Variants in ERMP1 observed in about 807,000 individuals in gnomAD.
The protein encoded by ERMP1 is endoplasmic reticulum metallopeptidase 1.
A neutral mutation model predicts 92.0 loss-of-function variants in ERMP1; 86 were observed. The ratio of observed to expected loss-of-function variants is 0.93; its 90% confidence interval spans 0.79 to 1.12. ERMP1 has a LOEUF of 1.12. Among genes scored for constraint, ERMP1 ranks in the 50% most tolerant of loss-of-function variants. The probability of loss-of-function intolerance (pLI) is 0.00; values close to 1 mark genes in which losing one functional copy is unlikely to be tolerated. For missense variants in ERMP1, 1,342 were observed against 1,116.3 expected (o/e 1.20, Z -2.88); for synonymous variants, 530 against 412.8 (o/e 1.28, Z -3.44).
chr9:5,847,678 G>A (rs977095242), intron 6 of ERMP1, among the ~76,000 whole-genome samples: 3 of 152,074 alleles, frequency 2.0e-5, no homozygotes, highest in Admixed American at 6.5e-5. Context: ...GGCGGATCAT[G>A]AGGTCAAGAG....
intron 10 of ERMP1, among the ~76,000 whole-genome samples, chr9:5,803,299 T>C (rs1436961120): frequency 1.3e-5 from 2 of 152,208 alleles, no homozygotes; most frequent in Non-Finnish European, 2.9e-5. Context: ...CTATTTCACA[T>C]TATAATGAAA....
chr9:5,791,147 C>G, intron 13 of ERMP1: 1 of 448,256 alleles, frequency 2.2e-6, no homozygotes, highest in Middle Eastern at 3.3e-4. Context: ...TTAGCATTCT[C>G]CAGGGAAACC....
In ERMP1 at chr9:5,801,258, G is replaced by A; in HGVS notation, c.1985C>T (p.Thr662Ile). ...TGTTCCACTGCAAACAAGGAGGAAT[G>A]TAATTGCACATACCAAAGTTAAAGT... Reference protein sequence around the residue: ...MLTLTLVCAITFLLVCSGTFF... With the variant: ...MLTLTLVCAIIFLLVCSGTFF... The change falls in exon 11 of 15, where the codon ACA (threonine) becomes ATA (isoleucine). Residue 662 changes from threonine (T) to isoleucine (I), a missense_variant. Transcript: ENST00000339450. 2 of 1,613,794 alleles carry A rather than the reference G, an allele frequency of 1.2e-6. No individual in the cohort carries two copies. Among genetic ancestry groups the A allele is most frequent in the Non-Finnish European group, 1.7e-6 (2 of 1,179,816 alleles).
At chr9:5,825,244 C>A in intron 2 of ERMP1, 25 bp from the exon 3 acceptor site, 2 of 1,601,272 alleles carry the variant, frequency 1.2e-6, no homozygotes, top group Non-Finnish European at 1.7e-6. Context: ...AACAAATTTG[C>A]TGCTCAGATT....
In ERMP1 at chr9:5,785,919, C is replaced by T. The variant is rs371836483; in HGVS notation, c.*1225G>A. The T allele has an allele frequency of 6.6e-6, 1 of 152,216 alleles. No homozygotes were observed. The allele number at this position is 152,216 out of a possible 1,614,324, so 9.4% of individuals were successfully genotyped here. Reference sequence around the variant, plus strand: ...CTCACCAATGCCCTCACTGCTGGAACCAAAAAGCCATGAGAGGTACTGCTG... The same window carrying T: ...CTCACCAATGCCCTCACTGCTGGAATCAAAAAGCCATGAGAGGTACTGCTG... On this transcript the variant is annotated 3_prime_UTR_variant, in exon 15 of 15. Coordinates refer to ENST00000339450, the MANE Select transcript of ERMP1 (RefSeq NM_024896.3).
intron 6 of ERMP1, among the ~76,000 whole-genome samples, chr9:5,843,725 G>A (rs1050494585): frequency 1.4e-4 from 22 of 151,918 alleles, no homozygotes. Flanking sequence ...TGCTGATGCA[G>A]AGCCGAAGAT....
chr9:5,825,035 T>G, intron 3 of ERMP1, 57 bp downstream of exon 3: 1 of 1,515,452 alleles, frequency 6.6e-7, no homozygotes, highest in Admixed American at 1.7e-5. Context: ...AATATTTAGC[T>G]ATTATTATTA....
chr9:5,849,085 C>T (rs945772599), intron 6 of ERMP1, among the ~76,000 whole-genome samples: 1 of 152,150 alleles, frequency 6.6e-6, no homozygotes, highest in Non-Finnish European at 1.5e-5. Flanking sequence ...TGCAGTGGCA[C>T]GATCTTGGCT....
chr9:5,851,000 G>A (rs562591803), intron 6 of ERMP1, among the ~76,000 whole-genome samples: 3 of 152,316 alleles, frequency 2.0e-5, no homozygotes, highest in Non-Finnish European at 4.4e-5. Flanking sequence ...AACTGCCCAT[G>A]CCCTGACATC....
At chr9:5,794,260 A>G (rs151313698) in intron 13 of ERMP1, among the ~76,000 whole-genome samples, 1 of 152,176 alleles carries the variant, frequency 6.6e-6, no homozygotes, top group African/African-American at 2.4e-5. Context: ...TGAAAATTCA[A>G]CTTAAAATTT....
At position 5,832,801 on chromosome 9, in the gene ERMP1, C is replaced by G; in HGVS notation, c.227G>C (p.Gly76Ala). ...CAGCGCGATCAGGTAGAGCGCGAGC[C>G]CCAGCGCGGCGCGCACCTCAGACAG... ...TGLSEVRAAL[G>A]LALYLIALRT... Residue 76 changes from glycine to alanine, a missense_variant, in exon 1 of 15, where the codon GGG (glycine) becomes GCG (alanine). Transcript: ENST00000339450. 1 of 1,502,072 alleles carries G rather than the reference C, an allele frequency of 6.7e-7. No homozygotes were observed. Among genetic ancestry groups the G allele is most frequent in the African/African-American group, 1.4e-5 (1 of 68,986 alleles). 93.0% of individuals were successfully genotyped at this position (1,502,072 alleles called of 1,614,324 possible). A position where few individuals can be genotyped will look rare whatever the true frequency, so the allele number is the denominator to read the frequency against.
Position 5,785,110 on chromosome 9 carries a change from C to T in ERMP1, c.*2034G>A, listed in dbSNP as rs1216110459. On this transcript the variant is annotated 3_prime_UTR_variant, in exon 15 of 15. Coordinates refer to ENST00000339450, the MANE Select transcript of ERMP1 (RefSeq NM_024896.3). ...CACAAGCCCTGAGACTAGTGAGCAT[C>T]TTACTACTGACCTTGTACAATACCA... 6.6e-6 allele frequency: 1 copy of T among 152,140 alleles called. No homozygotes were observed. The highest frequency in any genetic ancestry group is 1.5e-5 in the Non-Finnish European group (1 of 68,030). 9.4% of individuals were successfully genotyped at this position (152,140 alleles called of 1,614,324 possible).
intron 13 of ERMP1, among the ~76,000 whole-genome samples, chr9:5,796,990 C>G (rs1435513077): frequency 1.3e-5 from 2 of 152,090 alleles, no homozygotes; most frequent in Admixed American, 6.5e-5. Flanking sequence ...TATGAGAACT[C>G]TATAATTTCT....
chr9:5,801,242 G>A lies in ERMP1; in HGVS notation c.2001C>T (p.Cys667=), dbSNP rs1223518365. The A allele has an allele frequency of 5.6e-6, 9 of 1,613,740 alleles. No individual in the cohort carries two copies. Among genetic ancestry groups the A allele is most frequent in the African/African-American group, 1.3e-5 (1 of 74,916 alleles). ...AGCTATATGGAAAAAATGTTCCACT[G>A]CAAACAAGGAGGAATGTAATTGCAC... ...LVCAITFLLV[C]SGTFFPYSSN... Residue 667 remains cysteine, a synonymous_variant, in exon 11 of 15, where the codon TGC becomes TGT. Coordinates refer to ENST00000339450, the MANE Select transcript of ERMP1 (RefSeq NM_024896.3).
At position 5,813,712 on chromosome 9, in the gene ERMP1, C is replaced by T. The variant is rs549000420; in HGVS notation, c.875-677G>A. Reference sequence around the variant, plus strand: ...AATAATCATTTTGATAACTGCTTAACATTTCACTGAATATGCCATAAAGTT... The same window carrying T: ...AATAATCATTTTGATAACTGCTTAATATTTCACTGAATATGCCATAAAGTT... On this transcript the variant is annotated intron_variant, in intron 4 of 14. Transcript: ENST00000339450. 3.3e-5 allele frequency among the ~76,000 whole-genome samples: 5 copies of T among 151,970 alleles called. No homozygotes were observed. In the South Asian group the frequency reaches 1.0e-3, roughly 31 times the overall value.
intron 6 of ERMP1, among the ~76,000 whole-genome samples, chr9:5,853,507 A>G (rs1287806244): frequency 6.6e-6 from 1 of 152,092 alleles, no homozygotes; most frequent in Non-Finnish European, 1.5e-5. Context: ...TGGTTAAGAA[A>G]CAGCCACCTA....
chr9:5,787,351 G>C (rs1451406717), intron 14 of ERMP1, 43 bp from the exon 15 acceptor site: 2 of 1,604,800 alleles, frequency 1.2e-6, no homozygotes, highest in South Asian at 1.1e-5. Flanking sequence ...TCAGAAGCCA[G>C]AATACTGAAC....
At chr9:5,797,374 G>C (rs1039935451) in intron 13 of ERMP1, among the ~76,000 whole-genome samples, 11 of 152,002 alleles carry the variant, frequency 7.2e-5, no homozygotes, top group African/African-American at 1.9e-4. Flanking sequence ...CTTTGGCCGG[G>C]CGTGGTGGCT....
rs548500006 is a variant in ERMP1 at position 5,824,352 on chromosome 9, T to C, written c.769-351A>G. Among the ~76,000 whole-genome samples the C allele has an allele frequency of 3.3e-5, 5 of 152,246 alleles. No individual in the cohort carries two copies. In the South Asian group the frequency reaches 1.0e-3, roughly 32 times the overall value. ...ACTTTGGGAGGCCATGGTGGGAAGATCACCCGAGCTCAGGAGTTCGAGACC... is the reference window on the plus strand; with the variant it reads ...ACTTTGGGAGGCCATGGTGGGAAGACCACCCGAGCTCAGGAGTTCGAGACC... On this transcript the variant is annotated intron_variant, in intron 3 of 14. Coordinates refer to ENST00000339450, the MANE Select transcript of ERMP1 (RefSeq NM_024896.3).
Sources: allele counts gnomAD v4.1 joint callset (sites outside exome capture counted in the v4.1 genomes callset), GRCh38; gene constraint gnomAD v4.1.1; transcripts MANE v1.5; gene names NCBI Gene and HGNC (gene_info 2026-07-23, HGNC 2026-07-21).